ARHGAP24: variants seen among roughly 807,000 people sequenced by gnomAD.
The protein encoded by ARHGAP24 is Rho GTPase activating protein 24, also known as rho GTPase-activating protein 24.
In ARHGAP24, 50 loss-of-function variants were observed where a neutral mutation model predicts 76.4. The observed-to-expected ratio is 0.65, with a 90% CI of 0.52 to 0.83. The LOEUF (loss-of-function observed/expected upper bound fraction) is 0.83, where lower values mean the gene tolerates loss of function less well. ARHGAP24 is among the 40% of genes least tolerant of loss of function. The probability of loss-of-function intolerance (pLI) is 0.00; values close to 1 mark genes in which losing one functional copy is unlikely to be tolerated. For synonymous variants in ARHGAP24, 345 were observed against 323.3 expected, an observed-to-expected ratio of 1.07 and a Z score of -0.72; for missense variants, 930 against 914.2, an observed-to-expected ratio of 1.02 and a Z score of -0.22.
chr4:85,879,050 A>C (rs1452384290), intron 3 of ARHGAP24, among the ~76,000 whole-genome samples: 1 of 152,240 alleles, frequency 6.6e-6, no homozygotes, highest in African/African-American at 2.4e-5. Flanking sequence ...CTGCTGAAGA[A>C]GGGAGTTGAA....
chr4:85,641,367 A>G (rs550198513), intron 2 of ARHGAP24, among the ~76,000 whole-genome samples: 1 of 152,316 alleles, frequency 6.6e-6, no homozygotes, highest in East Asian at 1.9e-4. Context: ...ATAACAAGGT[A>G]CCACAGACAG....
chr4:85,871,197 G>T (rs1217981814), intron 3 of ARHGAP24, among the ~76,000 whole-genome samples: 1 of 152,014 alleles, frequency 6.6e-6, no homozygotes, highest in African/African-American at 2.4e-5. Context: ...AGGGCTTTAG[G>T]TTTTGAAGGA....
chr4:85,497,727 G>A (rs1261598976), intron 1 of ARHGAP24, among the ~76,000 whole-genome samples: 1 of 152,166 alleles, frequency 6.6e-6, no homozygotes, highest in Non-Finnish European at 1.5e-5. Flanking sequence ...GAATGAGGCA[G>A]GAGAATTGCT....
At position 85,622,455 on chromosome 4, in the gene ARHGAP24, C is replaced by T. The variant is rs566784063; in HGVS notation, c.180+51734C>T. 2.0e-5 allele frequency among the ~76,000 whole-genome samples: 3 copies of T among 152,100 alleles called. No homozygotes were observed. In the South Asian group the frequency reaches 6.2e-4, roughly 32 times the overall value. On this transcript the variant is annotated intron_variant, in intron 2 of 9. Coordinates refer to ENST00000395184, the MANE Select transcript of ARHGAP24 (RefSeq NM_001025616.3). ...CATTTTTTGTGGCTGCATGGTATTCCATGGTATATATGTGCCACATTTTCT... is the reference window on the plus strand; with the variant it reads ...CATTTTTTGTGGCTGCATGGTATTCTATGGTATATATGTGCCACATTTTCT...
chr4:85,999,507 T>A (rs1246424870), intron 9 of ARHGAP24, among the ~76,000 whole-genome samples: 3 of 152,106 alleles, frequency 2.0e-5, no homozygotes, highest in Non-Finnish European at 4.4e-5. Flanking sequence ...ATTAAAATAA[T>A]CAGATATCTG....
At chr4:85,867,863 C>CAT (rs901896322) in intron 3 of ARHGAP24, among the ~76,000 whole-genome samples, 10 of 143,188 alleles carry the variant, frequency 7.0e-5, no homozygotes, top group East Asian at 6.0e-4. Flanking sequence ...TTATATATAA[C>CAT]ATATATATAT....
chr4:85,704,126 G>C (rs1724208794), intron 2 of ARHGAP24, among the ~76,000 whole-genome samples: 1 of 152,142 alleles, frequency 6.6e-6, no homozygotes, highest in African/African-American at 2.4e-5. Context: ...TTTCACTGCA[G>C]AGTAGTATTC....
At chr4:85,951,138 G>A (rs766800681) in intron 5 of ARHGAP24, among the ~76,000 whole-genome samples, 4 of 151,966 alleles carry the variant, frequency 2.6e-5, no homozygotes, top group Non-Finnish European at 4.4e-5. Context: ...CTTGGTCTCC[G>A]GTGGCAGATA....
chr4:85,931,174 T>C, intron 4 of ARHGAP24: 4 of 888,778 alleles, frequency 4.5e-6, no homozygotes, highest in South Asian at 2.1e-5. Flanking sequence ...GAGTGATTTG[T>C]GCGTATCCTT....
intron 2 of ARHGAP24, among the ~76,000 whole-genome samples, chr4:85,642,106 G>A (rs1057291759): frequency 1.1e-4 from 16 of 152,076 alleles, no homozygotes; most frequent in Admixed American, 2.6e-4. Flanking sequence ...ATCAGACAAG[G>A]CAGGCTGTAA....
intron 8 of ARHGAP24, among the ~76,000 whole-genome samples, chr4:85,982,523 C>G (rs1276565533): frequency 6.6e-6 from 1 of 152,066 alleles, no homozygotes; most frequent in African/African-American, 2.4e-5. Flanking sequence ...ATCAATCAGG[C>G]CCCAGGGGAA....
At chr4:85,747,806 T>C (rs542550430) in intron 3 of ARHGAP24, among the ~76,000 whole-genome samples, 1 of 152,372 alleles carries the variant, frequency 6.6e-6, no homozygotes, top group South Asian at 2.1e-4. Flanking sequence ...TTTTAAAATA[T>C]ATTTTAAAAT....
chr4:85,567,962 T>G (rs1445042852), intron 1 of ARHGAP24, among the ~76,000 whole-genome samples: 1 of 152,200 alleles, frequency 6.6e-6, no homozygotes, highest in Non-Finnish European at 1.5e-5. Context: ...GTAAAGCACT[T>G]TCCGATGCAT....
At chr4:85,996,469 A>C (rs567953011) in intron 9 of ARHGAP24, among the ~76,000 whole-genome samples, 1 of 152,298 alleles carries the variant, frequency 6.6e-6, no homozygotes, top group Non-Finnish European at 1.5e-5. Flanking sequence ...GATTTGGACA[A>C]CCCTTCCTCC....
At position 85,480,436 on chromosome 4, in the gene ARHGAP24, T is replaced by C. The variant is rs1345790245; in HGVS notation, c.-21+4877T>C. ...CTCAATTGTACGCCAGTCAAGCTTT[T>C]TGTATGACATGGTTCACATCATCTT... On this transcript the variant is annotated intron_variant, in intron 1 of 9. Coordinates refer to ENST00000395184, the MANE Select transcript of ARHGAP24 (RefSeq NM_001025616.3). Among the ~76,000 whole-genome samples, 3 of 152,306 alleles carry C rather than the reference T, an allele frequency of 2.0e-5. No homozygotes were observed. In the East Asian group the frequency reaches 5.8e-4, roughly 29 times the overall value.
chr4:85,930,961 C>A (rs1278945781), intron 4 of ARHGAP24: 1 of 1,613,526 alleles, frequency 6.2e-7, no homozygotes, highest in Admixed American at 1.7e-5. Context: ...TGGGGGGTGC[C>A]CGGCTGGTGC....
intron 8 of ARHGAP24, among the ~76,000 whole-genome samples, chr4:85,978,920 A>G (rs918933538): frequency 6.6e-6 from 1 of 152,186 alleles, no homozygotes; most frequent in African/African-American, 2.4e-5. Flanking sequence ...GACTTCCCAG[A>G]CATTACATTT....
intron 1 of ARHGAP24, among the ~76,000 whole-genome samples, chr4:85,495,124 G>A (rs957556929): frequency 1.3e-5 from 2 of 149,450 alleles, no homozygotes; most frequent in African/African-American, 2.5e-5. Flanking sequence ...AGAGTGACCT[G>A]AGCCAAAAAT....
intron 3 of ARHGAP24, among the ~76,000 whole-genome samples, chr4:85,741,299 A>G (rs888479589): frequency 2.0e-5 from 3 of 152,232 alleles, no homozygotes; most frequent in African/African-American, 7.2e-5. Context: ...CTGTTAGGAA[A>G]AATGGGAACA....
Sources: allele counts gnomAD v4.1 joint callset (sites outside exome capture counted in the v4.1 genomes callset), GRCh38; gene constraint gnomAD v4.1.1; transcripts MANE v1.5; gene names NCBI Gene and HGNC (gene_info 2026-07-23, HGNC 2026-07-21).